The following TWNK variants were observed in gnomAD, a reference collection of about 807,000 sequenced individuals.
TWNK encodes the protein twinkle mtDNA helicase, also known as T7 gp4-like protein with intramitochondrial nucleoid localization.
A neutral mutation model predicts 58.2 loss-of-function variants in TWNK; 36 were observed. The ratio of observed to expected loss-of-function variants is 0.62; its 90% confidence interval spans 0.47 to 0.82. TWNK has a LOEUF of 0.82. Ranked by LOEUF, TWNK falls within the 40% of genes least tolerant of loss-of-function variation. TWNK has a pLI of 0.00. For missense variants in TWNK, 714 were observed against 881.0 expected (o/e 0.81, Z 2.40); for synonymous variants, 349 against 348.5 (o/e 1.00, Z -0.02).
Position 100,987,662 on chromosome 10 carries a change from G to A in TWNK, c.-549G>A, listed in dbSNP as rs886046625. 31 of 631,982 alleles carry A rather than the reference G, an allele frequency of 4.9e-5. No homozygotes were observed. Among genetic ancestry groups the A allele is most frequent in the Non-Finnish European group, 8.4e-5 (31 of 367,738 alleles). 39.1% of individuals were successfully genotyped at this position (631,982 alleles called of 1,614,324 possible). A position where few individuals can be genotyped will look rare whatever the true frequency, so the allele number is the denominator to read the frequency against. ...GCGGCGGAGCTCGGAGTAGTAGAGCGGAGTGAAGACACGGGGGAGGATAGA... is the reference window on the plus strand; with the variant it reads ...GCGGCGGAGCTCGGAGTAGTAGAGCAGAGTGAAGACACGGGGGAGGATAGA... On this transcript the variant is annotated 5_prime_UTR_variant, in exon 1 of 5. Coordinates refer to ENST00000311916, the MANE Select transcript of TWNK (RefSeq NM_021830.5).
At chr10:100,990,330 A>G in intron 2 of TWNK, 106 bp from the exon 3 acceptor site, 1 of 837,244 alleles carries the variant, frequency 1.2e-6, no homozygotes, top group Non-Finnish European at 2.1e-6. Flanking sequence ...AGTAATAATA[A>G]TAGAAGGGCA....
In TWNK at chr10:100,989,905, C is replaced by G; in HGVS notation, c.1484+21C>G. 6.2e-7 allele frequency: 1 copy of G among 1,614,130 alleles called. No homozygotes were observed. The highest frequency in any genetic ancestry group is 8.5e-7 in the Non-Finnish European group (1 of 1,180,010). On this transcript the variant is annotated intron_variant, in intron 2 of 4. Coordinates refer to ENST00000311916, the MANE Select transcript of TWNK (RefSeq NM_021830.5). The surrounding 1 kb of genome is among the most constrained non-coding windows in gnomAD (Gnocchi z 7.6). ...ATCAGGTGAGACTCCCAGATTCCAG[C>G]CACCTTGCTTTCCCAGACATATCCC...
At position 100,987,608 on chromosome 10, in the gene TWNK, A is replaced by T. The variant is rs908486981; in HGVS notation, c.-603A>T. On this transcript the variant is annotated 5_prime_UTR_variant, in exon 1 of 5. Transcript: ENST00000311916. ...CGTTGCCGGCGAAGTGGGAGAGAGA[A>T]AAGTGGTAACCTGGGGCTGGGGGCC... 6.0e-5 allele frequency: 63 copies of T among 1,050,826 alleles called. No homozygotes were observed. Among genetic ancestry groups the T allele is most frequent in the Non-Finnish European group, 7.9e-5 (59 of 748,186 alleles). The allele number at this position is 1,050,826 out of a possible 1,614,324, so 65.1% of individuals were successfully genotyped here. A position where few individuals can be genotyped will look rare whatever the true frequency, so the allele number is the denominator to read the frequency against.
intron 3 of TWNK, 54 bp from the exon 4 acceptor site, chr10:100,990,815 A>G: frequency 4.4e-6 from 7 of 1,605,242 alleles, no homozygotes; most frequent in Non-Finnish European, 6.0e-6. Context: ...GAGTATGTGT[A>G]TGTTCTTGTC....
chr10:100,988,171 T>A lies in TWNK; in HGVS notation c.-40T>A, dbSNP rs756946518. The A allele has an allele frequency of 1.3e-5, 21 of 1,611,948 alleles. No homozygotes were observed. Among genetic ancestry groups the A allele is most frequent in the Non-Finnish European group, 1.8e-5 (21 of 1,179,146 alleles). On this transcript the variant is annotated 5_prime_UTR_variant, in exon 1 of 5. Transcript: ENST00000311916. This position sits in a 1 kb window ranked among gnomAD's most constrained non-coding sequence, Gnocchi z 5.2. ...AGTGAAGGCACGCTAACCAGGCACC[T>A]AAGGCATTTCAAGTAGTGACTTCCC... is the stretch of plus-strand genomic sequence containing the variant.
In TWNK at chr10:100,988,734, T is replaced by TG; in HGVS notation, c.526dup (p.Ala176GlyfsTer2). 5 of 1,614,176 alleles carry TG rather than the reference T, an allele frequency of 3.1e-6. No individual in the cohort carries two copies. Among genetic ancestry groups the TG allele is most frequent in the Non-Finnish European group, 4.2e-6 (5 of 1,180,022 alleles). On this transcript the variant is annotated frameshift_variant, in exon 1 of 5. Transcript: ENST00000311916. LOFTEE classifies it high-confidence loss of function. The surrounding 1 kb of genome is among the most constrained non-coding windows in gnomAD (Gnocchi z 5.2). ...CTGCCTGATCAGGAGGAGGTTCAGCTGGCTGATACAATGTTTGGCCTTACC... is the reference window on the plus strand; with the variant it reads ...CTGCCTGATCAGGAGGAGGTTCAGCTGGGCTGATACAATGTTTGGCCTTACC...
At position 100,987,618 on chromosome 10, in the gene TWNK, C is replaced by T. The variant is rs1851602857; in HGVS notation, c.-593C>T. 2.1e-6 allele frequency: 2 copies of T among 968,720 alleles called. No individual in the cohort carries two copies. Among genetic ancestry groups the T allele is most frequent in the East Asian group, 5.3e-5 (2 of 37,766 alleles). 60.0% of individuals were successfully genotyped at this position (968,720 alleles called of 1,614,324 possible). The stretch of plus-strand genomic sequence containing the variant: ...GAAGTGGGAGAGAGAAAAGTGGTAA[C>T]CTGGGGCTGGGGGCCGGCGCGGCGG... On this transcript the variant is annotated 5_prime_UTR_variant, in exon 1 of 5. Coordinates refer to ENST00000311916, the MANE Select transcript of TWNK (RefSeq NM_021830.5).
chr10:100,992,975 A>T (rs762707194), intron 4 of TWNK, among the ~76,000 whole-genome samples: 6 of 151,950 alleles, frequency 3.9e-5, no homozygotes, highest in South Asian at 2.1e-4. Context: ...TTTAGTAGAG[A>T]TGGGGTTTCA....
chr10:100,987,995 G>T lies in TWNK; in HGVS notation c.-216G>T. 1.5e-6 allele frequency: 1 copy of T among 651,980 alleles called. No homozygotes were observed. The allele number at this position is 651,980 out of a possible 1,614,324, so 40.4% of individuals were successfully genotyped here. On this transcript the variant is annotated 5_prime_UTR_variant, in exon 1 of 5. Transcript: ENST00000311916. Reference sequence around the variant, plus strand: ...CCATAGAGGTGGGGGAGCCATTGTAGAAGGACGTGGACGCGAAAGGGTCGT... The same window carrying T: ...CCATAGAGGTGGGGGAGCCATTGTATAAGGACGTGGACGCGAAAGGGTCGT...
rs146601680 is a variant in TWNK at position 100,993,282 on chromosome 10, C to A, written c.1827C>A (p.Arg609=). Residue 609 remains arginine, a synonymous_variant, in exon 5 of 5, where the codon CGC becomes CGA. Transcript: ENST00000311916. ...GKRYLQVSKN[R]FDGDVGVFPL... ...GGTATCTGCAGGTGTCCAAGAACCG[C>A]TTTGATGGAGATGTAGGTGTCTTCC... 128 of 1,614,072 alleles carry A rather than the reference C, an allele frequency of 7.9e-5. No individual in the cohort carries two copies. Among genetic ancestry groups the A allele is most frequent in the Non-Finnish European group, 1.0e-4 (118 of 1,180,048 alleles).
In TWNK at chr10:100,990,729, G is replaced by C. The variant is rs1851745505; in HGVS notation, c.1593-140G>C. ...TATGGCAGCAGGATGTATGGACAGG[G>C]ATCTGAGTGTGAGTCCTTGGGTAGA... On this transcript the variant is annotated intron_variant, in intron 3 of 4. Coordinates refer to ENST00000311916, the MANE Select transcript of TWNK (RefSeq NM_021830.5). 3 of 1,576,666 alleles carry C rather than the reference G, an allele frequency of 1.9e-6. No homozygotes were observed. In the East Asian group the frequency reaches 6.7e-5, roughly 35 times the overall value.
Position 100,990,646 on chromosome 10 carries a change from T to A in TWNK, c.1592+103T>A, listed in dbSNP as rs147513679. The A allele has an allele frequency of 1.7e-4, 275 of 1,608,920 alleles. No individual in the cohort carries two copies. In the African/African-American group the frequency reaches 3.1e-3, roughly 18 times the overall value. ...AGGCACACATGCTGTGCTCTCCTAT[T>A]TTCTGAGATGTGTGCAGGCACGTAC... On this transcript the variant is annotated intron_variant, in intron 3 of 4. Transcript: ENST00000311916.
At chr10:100,990,363 T>G (rs1194671805) in intron 2 of TWNK, 73 bp from the exon 3 acceptor site, 1 of 1,079,764 alleles carries the variant, frequency 9.3e-7, no homozygotes, top group Non-Finnish European at 1.4e-6. Flanking sequence ...AAGAGAGTTT[T>G]CAGGATGCTA....
chr10:100,991,337 T>C, intron 4 of TWNK: 1 of 394,788 alleles, frequency 2.5e-6, no homozygotes, highest in East Asian at 5.4e-5. Flanking sequence ...GCCCGGGACA[T>C]CTGGGAGACT....
Position 100,990,886 on chromosome 10 carries a change from ACAT to A in TWNK, c.1615_1617del (p.Ile539del). The A allele has an allele frequency of 6.2e-7, 1 of 1,614,250 alleles. No individual in the cohort carries two copies. The highest frequency in any genetic ancestry group is 8.5e-7 in the Non-Finnish European group (1 of 1,180,046). ...TGGCGTAGGATCGCAGCTCAAGACTACATCATCGGGGTCTTTCGGAAGTTTGCA... is the reference window on the plus strand; with the variant it reads ...TGGCGTAGGATCGCAGCTCAAGACTACATCGGGGTCTTTCGGAAGTTTGCA... On this transcript the variant is annotated inframe_deletion, in exon 4 of 5. Transcript: ENST00000311916.
At chr10:100,991,567 G>A (rs963295290) in intron 4 of TWNK, among the ~76,000 whole-genome samples, 6 of 152,136 alleles carry the variant, frequency 3.9e-5, no homozygotes, top group East Asian at 1.9e-4. Flanking sequence ...ACATGGAGCT[G>A]GGAAAGAGAG....
At chr10:100,991,755 A>C (rs1331217307) in intron 4 of TWNK, among the ~76,000 whole-genome samples, 1 of 151,704 alleles carries the variant, frequency 6.6e-6, no homozygotes, top group Admixed American at 6.6e-5. Flanking sequence ...GCTCACGCTT[A>C]TAATCCCAGC....
In TWNK at chr10:100,988,837, C is replaced by T. The variant is rs1851668303; in HGVS notation, c.627C>T (p.Phe209=). Residue 209 remains phenylalanine, a synonymous_variant, in exon 1 of 5, where the codon TTC becomes TTT. Coordinates refer to ENST00000311916, the MANE Select transcript of TWNK (RefSeq NM_021830.5). The surrounding 1 kb of genome is among the most constrained non-coding windows in gnomAD (Gnocchi z 5.2). Reference sequence around the variant, plus strand: ...CTCGCAGTCTTGTCTTCCCTTGGTTCTCCCCTGGGGGCTCAGGATTACGAG... The same window carrying T: ...CTCGCAGTCTTGTCTTCCCTTGGTTTTCCCCTGGGGGCTCAGGATTACGAG... ...RPARSLVFPW[F]SPGGSGLRGL... is the part of the protein sequence containing the mutation. The T allele has an allele frequency of 1.2e-6, 2 of 1,614,090 alleles. No homozygotes were observed. Among genetic ancestry groups the T allele is most frequent in the Admixed American group, 1.7e-5 (1 of 60,008 alleles).
chr10:100,993,463 C>T lies in TWNK; in HGVS notation c.2008C>T (p.Gln670Ter). 2 of 1,614,160 alleles carry T rather than the reference C, an allele frequency of 1.2e-6. No homozygotes were observed. The highest frequency in any genetic ancestry group is 1.7e-6 in the Non-Finnish European group (2 of 1,180,026). ...ACAGAACTCTGAGATTTGCTCAGGC[C>T]AGGCCCCCACTCCCGACCAGCCAGA... Reference protein sequence around the residue: ...TTQNSEICSGQAPTPDQPDTS... With the variant: ...TTQNSEICSG The change falls in exon 5 of 5, where the codon CAG becomes TAG. Residue 670 changes from glutamine (Q) to a stop codon, truncating the protein, a stop_gained. Transcript: ENST00000311916. LOFTEE classifies it low-confidence loss of function (END_TRUNC).
Sources: gnomAD v4.1 joint callset for allele counts (sites outside exome capture counted in the v4.1 genomes callset) on GRCh38, gnomAD v4.1.1 for gene constraint, Gnocchi (gnomAD v3.1) non-coding constraint, MANE v1.5 for transcripts, NCBI Gene and HGNC (gene_info 2026-07-23, HGNC 2026-07-21) for gene names.